Variants in PCDHA9 observed in about 807,000 individuals in gnomAD.
PCDHA9 encodes the protein protocadherin alpha 9.
PCDHA9 carries 62 observed loss-of-function variants against 62.0 expected under a neutral mutation model. The observed-to-expected ratio is 1.00, with a 90% confidence interval of 0.81 to 1.23. PCDHA9 has a LOEUF of 1.23. PCDHA9 is among the 50% of genes most tolerant of loss of function. The pLI, the probability that PCDHA9 is intolerant of heterozygous loss-of-function variation, is 0.00. For synonymous variants in PCDHA9, 557 were observed against 567.6 expected (o/e 0.98, Z 0.27); for missense variants, 1,205 against 1,249.8 (o/e 0.96, Z 0.54).
rs1167217103 is a variant in PCDHA9, at chr5:140,852,143, C to G, written c.2394+1254C>G. 4 of 873,950 alleles carry G rather than the reference C, an allele frequency of 4.6e-6. No individual in the cohort carries two copies. The African/African-American group carries it at 7.3e-5, about 16-fold the overall frequency. 54.1% of individuals were successfully genotyped at this position (873,950 alleles called of 1,614,324 possible). A position where few individuals can be genotyped will look rare whatever the true frequency, so the allele number is the denominator to read the frequency against. ...AATTAAAAACTCAGTAGAGAAAGAT[C>G]AGAATGGCCTTGAGAATAGAGCCAC... is the stretch of plus-strand genomic sequence containing the variant. On this transcript the variant is annotated intron_variant, in intron 1 of 3. Transcript: ENST00000532602.
At chr5:140,927,556 A>G (rs1428283255) in intron 1 of PCDHA9, 15 of 1,614,022 alleles carry the variant, frequency 9.3e-6, no homozygotes, top group African/African-American at 1.3e-5. Flanking sequence ...AGTCACCATC[A>G]TTGTGGTGGA....
At chr5:140,912,652 G>A (rs555103404) in intron 1 of PCDHA9, among the ~76,000 whole-genome samples, 2 of 152,132 alleles carry the variant, frequency 1.3e-5, no homozygotes, top group South Asian at 2.1e-4. Context: ...TTGAATAGAA[G>A]TGGTGAAAAT....
intron 1 of PCDHA9, among the ~76,000 whole-genome samples, chr5:140,887,345 C>A (rs1286436995): frequency 6.6e-6 from 1 of 152,140 alleles, no homozygotes; most frequent in Non-Finnish European, 1.5e-5. Context: ...ATCCACCTGG[C>A]TCGGCCTCCC....
chr5:140,907,136 G>A (rs115442963), intron 1 of PCDHA9, among the ~76,000 whole-genome samples: 1,721 of 152,234 alleles, frequency 0.011, 29 homozygotes, highest in African/African-American at 0.038. Flanking sequence ...TGTGAATTCC[G>A]GCTATGGGAG....
intron 1 of PCDHA9, chr5:140,877,379 TC>T (rs1169435329): frequency 1.9e-6 from 3 of 1,613,950 alleles, no homozygotes. Flanking sequence ...ACGACACGCA[TC>T]CTGGATGAGG....
In PCDHA9 at chr5:140,953,934, C is replaced by T. The variant is rs2094953906; in HGVS notation, c.2395-25015C>T. 2.6e-5 allele frequency among the ~76,000 whole-genome samples: 4 copies of T among 152,200 alleles called. No homozygotes were observed. The South Asian group carries it at 8.3e-4, about 32-fold the overall frequency. On this transcript the variant is annotated intron_variant, in intron 1 of 3. Transcript: ENST00000532602. ...TTAGGTATTCTTCCTGATGCTCTCC[C>T]TCCCATTGCTCCCCCAACAGGCCCC...
chr5:140,924,736 A>C (rs1554202112), intron 1 of PCDHA9, among the ~76,000 whole-genome samples: 1 of 151,866 alleles, frequency 6.6e-6, no homozygotes, highest in Non-Finnish European at 1.5e-5. Flanking sequence ...CTCTAATAAA[A>C]ATACAAAAAT....
intron 1 of PCDHA9, among the ~76,000 whole-genome samples, chr5:140,914,392 AC>A (rs1554196309): frequency 6.6e-6 from 1 of 151,928 alleles, no homozygotes; most frequent in Non-Finnish European, 1.5e-5. Flanking sequence ...AAGTGTAGTT[AC>A]CCCTGCTCCT....
At chr5:140,860,280 G>A (rs1339122152) in intron 1 of PCDHA9, 2 of 151,906 alleles carry the variant, frequency 1.3e-5, no homozygotes, top group Admixed American at 1.3e-4. Context: ...ACTTGGGAGG[G>A]TGAGGTGGGA....
At chr5:141,005,939 C>A (rs1183397075) in intron 3 of PCDHA9, among the ~76,000 whole-genome samples, 2 of 151,786 alleles carry the variant, frequency 1.3e-5, no homozygotes, top group Non-Finnish European at 2.9e-5. Flanking sequence ...AGAGTGAGAA[C>A]CTATCTCTAA....
chr5:140,882,656 C>G, intron 1 of PCDHA9: 2 of 1,614,192 alleles, frequency 1.2e-6, no homozygotes, highest in Middle Eastern at 1.6e-4. Flanking sequence ...TAACGACAAC[C>G]CGCCCATATT....
chr5:140,902,419 T>C (rs2069442508), intron 1 of PCDHA9, among the ~76,000 whole-genome samples: 1 of 152,118 alleles, frequency 6.6e-6, no homozygotes, highest in Non-Finnish European at 1.5e-5. Flanking sequence ...ATAACAGTGG[T>C]GAAAGTGGGC....
chr5:140,983,022 A>G (rs2097023004), intron 3 of PCDHA9, among the ~76,000 whole-genome samples: 1 of 152,114 alleles, frequency 6.6e-6, no homozygotes, highest in Non-Finnish European at 1.5e-5. Flanking sequence ...GGAAGGAAGG[A>G]AGATGGTTTC....
At chr5:140,971,884 C>A (rs1216931622) in intron 1 of PCDHA9, among the ~76,000 whole-genome samples, 1 of 151,602 alleles carries the variant, frequency 6.6e-6, no homozygotes, top group Admixed American at 6.6e-5. Flanking sequence ...AGGAAATAAG[C>A]TCAGGGAGGT....
chr5:140,983,363 C>A (rs574253600), intron 3 of PCDHA9, among the ~76,000 whole-genome samples: 33 of 152,290 alleles, frequency 2.2e-4, no homozygotes, highest in African/African-American at 7.9e-4. Context: ...AGAAATATGG[C>A]TTTGGAGGCC....
chr5:140,858,019 G>A (rs377389644), intron 1 of PCDHA9: 1 of 1,596,850 alleles, frequency 6.3e-7, no homozygotes, highest in Non-Finnish European at 8.6e-7. Flanking sequence ...GCGAGCCGTC[G>A]CTGACGGCCA....
intron 1 of PCDHA9, chr5:140,851,974 C>T: frequency 3.1e-6 from 3 of 976,536 alleles, no homozygotes; most frequent in Non-Finnish European, 3.7e-6. Flanking sequence ...CACACTCTAC[C>T]TTTAGTGCAA....
intron 1 of PCDHA9, among the ~76,000 whole-genome samples, chr5:140,898,159 G>A (rs377677002): frequency 1.3e-5 from 2 of 151,916 alleles, no homozygotes; most frequent in South Asian, 2.1e-4. Context: ...CGCTGATGGT[G>A]GTTTCTTTTG....
intron 1 of PCDHA9, chr5:140,870,890 T>C: frequency 6.2e-7 from 1 of 1,613,954 alleles, no homozygotes; most frequent in Non-Finnish European, 8.5e-7. Flanking sequence ...GTGCGCGCAG[T>C]GGATGCGGAC....
Sources: gnomAD v4.1 joint callset for allele counts (sites outside exome capture counted in the v4.1 genomes callset) on GRCh38, gnomAD v4.1.1 for gene constraint, MANE v1.5 for transcripts, NCBI Gene and HGNC (gene_info 2026-07-23, HGNC 2026-07-21) for gene names.